The following SH3RF1 variants were observed in gnomAD, a reference collection of about 807,000 sequenced individuals.
The protein encoded by SH3RF1 is E3 ubiquitin-protein ligase SH3RF1.
SH3RF1 carries 32 observed loss-of-function variants against 74.0 expected under a neutral mutation model. The ratio of observed to expected loss-of-function variants is 0.43; its 90% CI spans 0.33 to 0.58. The LOEUF is 0.58. SH3RF1 is among the 20% of genes least tolerant of loss of function. The pLI is 0.05. For missense variants in SH3RF1, 954 were observed against 1,130.9 expected, an observed-to-expected ratio of 0.84 and a Z score of 2.24; for synonymous variants, 396 against 439.6, an observed-to-expected ratio of 0.90 and a Z score of 1.24.
intron 11 of SH3RF1, among the ~76,000 whole-genome samples, chr4:169,106,419 G>C (rs1426724813): frequency 6.6e-6 from 1 of 151,568 alleles, no homozygotes; most frequent in Non-Finnish European, 1.5e-5. Context: ...CCAAAAGATT[G>C]GACATACCTG....
intron 2 of SH3RF1, among the ~76,000 whole-genome samples, chr4:169,224,322 T>TC (rs538014480): frequency 2.7e-5 from 1 of 36,538 alleles, no homozygotes; most frequent in African/African-American, 5.3e-5. Flanking sequence ...TAATTTCCTA[T>TC]TTTTTTTTTT....
At chr4:169,171,516 G>C (rs1477013961) in intron 2 of SH3RF1, among the ~76,000 whole-genome samples, 1 of 152,156 alleles carries the variant, frequency 6.6e-6, no homozygotes, top group Non-Finnish European at 1.5e-5. Flanking sequence ...TGGAATGTAA[G>C]TAGAATATGA....
At chr4:169,151,971 T>C (rs1733983654) in intron 4 of SH3RF1, among the ~76,000 whole-genome samples, 1 of 152,212 alleles carries the variant, frequency 6.6e-6, no homozygotes, top group African/African-American at 2.4e-5. Context: ...ATGAGTCAGC[T>C]CCAAATTAAT....
chr4:169,259,268 G>C (rs1202677700), intron 2 of SH3RF1, among the ~76,000 whole-genome samples: 2 of 152,092 alleles, frequency 1.3e-5, no homozygotes, highest in Admixed American at 6.6e-5. Flanking sequence ...TTGCCTTTCT[G>C]CACTACGTAA....
rs1366640272 is a variant in SH3RF1, at chr4:169,130,123, G to T, written c.1102C>A (p.Pro368Thr). The T allele has an allele frequency of 6.2e-7, 1 of 1,604,616 alleles. No individual in the cohort carries two copies. Residue 368 changes from proline (P) to threonine (T), a missense_variant, in exon 6 of 12, where the codon CCG becomes ACG. Physicochemically the swap from Pro to Thr is conservative, Grantham distance 38. Transcript: ENST00000284637. The stretch of plus-strand genomic sequence containing the variant: ...GTTGTCACTGGGCTGCTTGGGGGCG[G>T]GGTCACAATTAACCCGGTGGTACTT... ...HISTTGLIVT[P>T]PPSSPVTTGP...
At chr4:169,213,276 CAT>C (rs1283907563) in intron 2 of SH3RF1, among the ~76,000 whole-genome samples, 2 of 152,308 alleles carry the variant, frequency 1.3e-5, no homozygotes, top group East Asian at 3.9e-4. Context: ...TCCCTAATGA[CAT>C]GTGTGTGAAG....
chr4:169,231,598 A>G (rs1234634416), intron 2 of SH3RF1, among the ~76,000 whole-genome samples: 1 of 152,116 alleles, frequency 6.6e-6, no homozygotes, highest in African/African-American at 2.4e-5. Context: ...ATAAATAAAT[A>G]AAAAGGAAAA....
At chr4:169,172,655 T>C (rs1734350618) in intron 2 of SH3RF1, among the ~76,000 whole-genome samples, 1 of 152,144 alleles carries the variant, frequency 6.6e-6, no homozygotes, top group Non-Finnish European at 1.5e-5. Flanking sequence ...GTCAACTTGA[T>C]CAGATTGAGG....
At chr4:169,147,869 T>C (rs11132798) in intron 4 of SH3RF1, among the ~76,000 whole-genome samples, 29,535 of 152,090 alleles carry the variant, frequency 0.19, 2,967 homozygotes, top group African/African-American at 0.25. Flanking sequence ...TAACATTTGA[T>C]TAATTAAAAT....
At chr4:169,269,331 A>G in intron 1 of SH3RF1, 24 bp from the exon 2 acceptor site, 6 of 1,092,334 alleles carry the variant, frequency 5.5e-6, no homozygotes, top group Non-Finnish European at 7.6e-6. Context: ...GAAAAGGGGG[A>G]AAAGAGAACA....
chr4:169,205,015 G>A (rs556040578), intron 2 of SH3RF1, among the ~76,000 whole-genome samples: 1 of 152,312 alleles, frequency 6.6e-6, no homozygotes, highest in South Asian at 2.1e-4. Context: ...CTAAGGAAAA[G>A]GAGGAATCAT....
chr4:169,194,680 G>A (rs940320135), intron 2 of SH3RF1, among the ~76,000 whole-genome samples: 1 of 152,110 alleles, frequency 6.6e-6, no homozygotes, highest in African/African-American at 2.4e-5. Flanking sequence ...GAATGTTCTT[G>A]AATGTGTCTG....
chr4:169,222,369 G>A (rs553770686), intron 2 of SH3RF1, among the ~76,000 whole-genome samples: 38 of 152,140 alleles, frequency 2.5e-4, no homozygotes, highest in Middle Eastern at 3.4e-3. Flanking sequence ...GGAGGCTGAC[G>A]CAGGAGAACT....
chr4:169,154,741 T>G (rs1400657978), intron 4 of SH3RF1, among the ~76,000 whole-genome samples: 1 of 152,230 alleles, frequency 6.6e-6, no homozygotes, highest in African/African-American at 2.4e-5. Context: ...TGGGCCACGC[T>G]TCCTTCTTTG....
chr4:169,194,972 T>C (rs1734786364), intron 2 of SH3RF1, among the ~76,000 whole-genome samples: 1 of 152,228 alleles, frequency 6.6e-6, no homozygotes, highest in African/African-American at 2.4e-5. Context: ...ACATTGATGT[T>C]GTTTTGTATG....
intron 2 of SH3RF1, among the ~76,000 whole-genome samples, chr4:169,231,113 T>G (rs1730731938): frequency 6.6e-6 from 1 of 152,280 alleles, no homozygotes; most frequent in Non-Finnish European, 1.5e-5. Flanking sequence ...ACTTACCTCA[T>G]GGGGTTGTTG....
chr4:169,270,597 C>T (rs943672426), intron 1 of SH3RF1, among the ~76,000 whole-genome samples: 3 of 152,216 alleles, frequency 2.0e-5, no homozygotes, highest in Non-Finnish European at 4.4e-5. Flanking sequence ...ACCGCGCCAT[C>T]CGGGAAGCAG....
chr4:169,206,537 CA>C (rs998534394), intron 2 of SH3RF1, among the ~76,000 whole-genome samples: 1 of 151,764 alleles, frequency 6.6e-6, no homozygotes, highest in African/African-American at 2.4e-5. Context: ...TATATAAAAA[CA>C]AAAAAAGTCC....
At chr4:169,131,205 T>A (rs765629087) in intron 5 of SH3RF1, among the ~76,000 whole-genome samples, 3 of 152,238 alleles carry the variant, frequency 2.0e-5, no homozygotes, top group Non-Finnish European at 2.9e-5. Flanking sequence ...TCATGGCATG[T>A]AATTTATTTT....
Sources: allele counts gnomAD v4.1 joint callset (sites outside exome capture counted in the v4.1 genomes callset), GRCh38; gene constraint gnomAD v4.1.1; transcripts MANE v1.5; gene names NCBI Gene and HGNC (gene_info 2026-07-23, HGNC 2026-07-21).